Variants in PLEKHA3 observed in about 807,000 individuals in gnomAD.
The protein encoded by PLEKHA3 is pleckstrin homology domain containing A3, also known as pleckstrin homology domain-containing family A member 3.
In PLEKHA3, 19 loss-of-function variants were observed where a neutral mutation model predicts 39.2. The ratio of observed to expected loss-of-function variants is 0.48; its 90% CI spans 0.34 to 0.71. The LOEUF is 0.71. Ranked by LOEUF, PLEKHA3 falls within the 30% of genes least tolerant of loss-of-function variation. The pLI, the probability that PLEKHA3 is intolerant of heterozygous loss-of-function variation, is 0.01. For missense variants in PLEKHA3, 253 were observed against 359.5 expected, an observed-to-expected ratio of 0.70 and a Z score of 2.40; for synonymous variants, 97 against 118.6, an observed-to-expected ratio of 0.82 and a Z score of 1.18.
At chr2:178,490,580 T>C (rs2154127701) in intron 2 of PLEKHA3, 79 bp from the exon 3 acceptor site, 1 of 1,385,578 alleles carries the variant, frequency 7.2e-7, no homozygotes. Flanking sequence ...CATCTGATAC[T>C]GTGTGATTAG....
At chr2:178,491,010 C>CTTTTTTTTTTTTTTTTT (rs1204723389) in intron 3 of PLEKHA3, among the ~76,000 whole-genome samples, 196 bp downstream of exon 3, 8 of 129,524 alleles carry the variant, frequency 6.2e-5, no homozygotes, top group African/African-American at 1.8e-4. Flanking sequence ...CTCTTTCTTT[C>CTTTTTTTTTTTTTTTTT]TTTTTTTTTT....
At chr2:178,503,294 A>G (rs763160422) in intron 7 of PLEKHA3, among the ~76,000 whole-genome samples, 3 of 151,946 alleles carry the variant, frequency 2.0e-5, no homozygotes, top group Non-Finnish European at 4.4e-5. Context: ...TGAAAAGAGG[A>G]ATACCTGAAT....
At position 178,505,467 on chromosome 2, in the gene PLEKHA3, C is replaced by T. The variant is rs1685588786; in HGVS notation, c.*1580C>T. 1 of 151,046 alleles carries T rather than the reference C, an allele frequency of 6.6e-6. No homozygotes were observed. The highest frequency in any genetic ancestry group is 1.5e-5 in the Non-Finnish European group (1 of 67,730). 9.4% of individuals were successfully genotyped at this position (151,046 alleles called of 1,614,324 possible). A position where few individuals can be genotyped will look rare whatever the true frequency, so the allele number is the denominator to read the frequency against. ...ATATTCAGTGGAGTCTTTGCCTGCT[C>T]ATAAGTTGTACTTCATATGTCTAAT... On this transcript the variant is annotated 3_prime_UTR_variant, in exon 8 of 8. Coordinates refer to ENST00000234453, the MANE Select transcript of PLEKHA3 (RefSeq NM_019091.4).
At chr2:178,502,291 T>C (rs947247783) in intron 7 of PLEKHA3, 1 of 249,260 alleles carries the variant, frequency 4.0e-6, no homozygotes, top group African/African-American at 2.4e-5. Context: ...TTTATTAATA[T>C]ATGGCACTAT....
chr2:178,501,280 T>C, intron 7 of PLEKHA3, 104 bp downstream of exon 7: 1 of 794,592 alleles, frequency 1.3e-6, no homozygotes, highest in East Asian at 2.6e-5. Flanking sequence ...CATTGTACTT[T>C]GTTTCTTTGA....
At chr2:178,482,353 G>A (rs564903965) in intron 1 of PLEKHA3, among the ~76,000 whole-genome samples, 6 of 151,916 alleles carry the variant, frequency 3.9e-5, no homozygotes, top group African/African-American at 1.2e-4. Context: ...ATAGGGAGAC[G>A]TGGTCTCTAC....
intron 7 of PLEKHA3, among the ~76,000 whole-genome samples, chr2:178,502,052 T>C (rs1685535666): frequency 6.6e-6 from 1 of 151,972 alleles, no homozygotes; most frequent in Non-Finnish European, 1.5e-5. Flanking sequence ...AGTGAATTCA[T>C]AGTATGGCTG....
chr2:178,481,654 GAGTTGT>G (rs1367308986), intron 1 of PLEKHA3, among the ~76,000 whole-genome samples: 1 of 152,134 alleles, frequency 6.6e-6, no homozygotes, highest in Non-Finnish European at 1.5e-5. Flanking sequence ...CCTTAAATTT[GAGTTGT>G]AGTCCAATCT....
rs932194829 is a variant in PLEKHA3, at chr2:178,480,786, G to A, written c.-84G>A. ...GGCGGAGGGGGCCCGGGCGGGCCGG[G>A]AGGGGCTGCCCCAGGCCCTGCGCCT... On this transcript the variant is annotated 5_prime_UTR_variant, in exon 1 of 8. Transcript: ENST00000234453. 39 of 1,212,670 alleles carry A rather than the reference G, an allele frequency of 3.2e-5. No homozygotes were observed. The highest frequency in any genetic ancestry group is 4.1e-5 in the Non-Finnish European group (39 of 942,510). The allele number at this position is 1,212,670 out of a possible 1,614,324, so 75.1% of individuals were successfully genotyped here. A position where few individuals can be genotyped will look rare whatever the true frequency, so the allele number is the denominator to read the frequency against.
intron 3 of PLEKHA3, among the ~76,000 whole-genome samples, chr2:178,492,123 T>C (rs895211477): frequency 6.6e-6 from 1 of 152,204 alleles, no homozygotes; most frequent in African/African-American, 2.4e-5. Flanking sequence ...TTTTTCTATT[T>C]TTCAAAATTT....
chr2:178,485,796 A>T, intron 2 of PLEKHA3, 39 bp downstream of exon 2: 1 of 1,480,122 alleles, frequency 6.8e-7, no homozygotes, highest in Non-Finnish European at 9.4e-7. Flanking sequence ...TGGAGGTTAG[A>T]TAGTCAAGGG....
chr2:178,493,817 A>G, intron 3 of PLEKHA3, 36 bp from the exon 4 acceptor site: 1 of 1,557,608 alleles, frequency 6.4e-7, no homozygotes, highest in Non-Finnish European at 8.8e-7. Context: ...GAATATGAAA[A>G]TGATCTAACT....
rs1172005475 is a variant in PLEKHA3, at chr2:178,504,638, G to A, written c.*751G>A. 6.6e-6 allele frequency: 1 copy of A among 152,146 alleles called. No homozygotes were observed. Among genetic ancestry groups the A allele is most frequent in the Admixed American group, 6.6e-5 (1 of 15,232 alleles). The allele number at this position is 152,146 out of a possible 1,614,324, so 9.4% of individuals were successfully genotyped here. ...GTTGTTCTAGAAAAGAGATTTTAAT[G>A]CTGTAGTGACTTTGCTCACTTACAC... is the stretch of plus-strand genomic sequence containing the variant. On this transcript the variant is annotated 3_prime_UTR_variant, in exon 8 of 8. Transcript: ENST00000234453.
rs2366577 is a variant in PLEKHA3, at chr2:178,507,255, C to T, written c.*3368C>T. ...CACCTCCCACATTTTTCTTCCCCCACCCCTCCCAAAATAGATTTATATTCA... is the reference window on the plus strand; with the variant it reads ...CACCTCCCACATTTTTCTTCCCCCATCCCTCCCAAAATAGATTTATATTCA... On this transcript the variant is annotated 3_prime_UTR_variant, in exon 8 of 8. Coordinates refer to ENST00000234453, the MANE Select transcript of PLEKHA3 (RefSeq NM_019091.4). The T allele has an allele frequency of 0.094, 14,225 of 152,108 alleles. 1,332 individuals carry two copies. The highest frequency in any genetic ancestry group is 0.25 in the African/African-American group (10,185 of 41,442). 9.4% of individuals were successfully genotyped at this position (152,108 alleles called of 1,614,324 possible).
chr2:178,488,564 G>GT (rs1685293465), intron 2 of PLEKHA3, among the ~76,000 whole-genome samples: 1 of 152,184 alleles, frequency 6.6e-6, no homozygotes, highest in South Asian at 2.1e-4. Flanking sequence ...CTGTGGCCCT[G>GT]TTTTTGTTGT....
intron 5 of PLEKHA3, among the ~76,000 whole-genome samples, chr2:178,497,430 C>G (rs1039041697): frequency 3.1e-4 from 47 of 152,146 alleles, no homozygotes; most frequent in African/African-American, 9.9e-4. Flanking sequence ...CGGGGTTTCA[C>G]CATGTTAGCC....
Position 178,510,543 on chromosome 2 carries a change from T to C in PLEKHA3, c.*6656T>C, listed in dbSNP as rs1685667434. 1 of 153,752 alleles carries C rather than the reference T, an allele frequency of 6.5e-6. No homozygotes were observed. Among genetic ancestry groups the C allele is most frequent in the African/African-American group, 2.4e-5 (1 of 41,446 alleles). The allele number at this position is 153,752 out of a possible 1,614,324, so 9.5% of individuals were successfully genotyped here. A position where few individuals can be genotyped will look rare whatever the true frequency, so the allele number is the denominator to read the frequency against. Reference sequence around the variant, plus strand: ...GTCATGTGGGTACCACCCTCATGAATAGATTAATGCCGCCGTGTAAAGGGC... The same window carrying C: ...GTCATGTGGGTACCACCCTCATGAACAGATTAATGCCGCCGTGTAAAGGGC... On this transcript the variant is annotated 3_prime_UTR_variant, in exon 8 of 8. Coordinates refer to ENST00000234453, the MANE Select transcript of PLEKHA3 (RefSeq NM_019091.4).
chr2:178,499,817 C>G (rs1407090146), intron 6 of PLEKHA3, among the ~76,000 whole-genome samples: 1 of 152,048 alleles, frequency 6.6e-6, no homozygotes, highest in Admixed American at 6.5e-5. Context: ...AATCACCTAG[C>G]GATGGATTTC....
chr2:178,499,201 A>G lies in PLEKHA3; in HGVS notation c.616-10A>G. 1 of 1,599,896 alleles carries G rather than the reference A, an allele frequency of 6.3e-7. No homozygotes were observed. Among genetic ancestry groups the G allele is most frequent in the Admixed American group, 1.7e-5 (1 of 57,588 alleles). On this transcript the variant is annotated splice_polypyrimidine_tract_variant and intron_variant, in intron 5 of 7. Transcript: ENST00000234453. ...ATGCTAATTTTTTTTTTTTTTTCCA[A>G]AATTTCTAGATGAAGCGTTCTGTCA...
Sources: gnomAD v4.1 joint callset for allele counts (sites outside exome capture counted in the v4.1 genomes callset) on GRCh38, gnomAD v4.1.1 for gene constraint, MANE v1.5 for transcripts, NCBI Gene and HGNC (gene_info 2026-07-23, HGNC 2026-07-21) for gene names.